SYCP2: variants seen among roughly 807,000 people sequenced by gnomAD.
SYCP2 encodes the protein synaptonemal complex protein 2.
A neutral mutation model predicts 211.3 loss-of-function variants in SYCP2; 55 were observed. The ratio of observed to expected loss-of-function variants is 0.26; its 90% confidence interval spans 0.21 to 0.33. SYCP2 has a LOEUF of 0.33. Among genes scored for constraint, SYCP2 ranks in the 10% least tolerant of loss-of-function variants. SYCP2 has a pLI of 1.00. For missense variants in SYCP2, 1,731 were observed against 1,752.0 expected, an observed-to-expected ratio of 0.99 and a Z score of 0.21; for synonymous variants, 570 against 555.2, an observed-to-expected ratio of 1.03 and a Z score of -0.37.
intron 17 of SYCP2, 111 bp from the exon 18 acceptor site, chr20:59,900,395 C>T: frequency 1.0e-6 from 1 of 973,206 alleles, no homozygotes; most frequent in Non-Finnish European, 1.5e-6. Flanking sequence ...AATTATTTCC[C>T]TTTTCTATCC....
intron 35 of SYCP2, among the ~76,000 whole-genome samples, 190 bp downstream of exon 35, chr20:59,873,666 T>G (rs910285995): frequency 2.0e-5 from 3 of 152,112 alleles, no homozygotes; most frequent in Non-Finnish European, 4.4e-5. Flanking sequence ...TATACATTTA[T>G]TTGTCTGTTA....
chr20:59,892,550 G>A lies in SYCP2; in HGVS notation c.1927+18C>T, dbSNP rs779686311. ...AATTAACACTGAACTATTACATATAGATAAAACTAAGTTTCACCTTGATTC... is the reference window on the plus strand; with the variant it reads ...AATTAACACTGAACTATTACATATAAATAAAACTAAGTTTCACCTTGATTC... On this transcript the variant is annotated intron_variant, in intron 23 of 44. Transcript: ENST00000357552. 16 of 1,595,450 alleles carry A rather than the reference G, an allele frequency of 1.0e-5. No individual in the cohort carries two copies. In the South Asian group the frequency reaches 1.8e-4, roughly 18 times the overall value.
intron 26 of SYCP2, among the ~76,000 whole-genome samples, chr20:59,883,984 A>G (rs540930813): frequency 2.0e-5 from 3 of 152,230 alleles, no homozygotes; most frequent in East Asian, 3.9e-4. Flanking sequence ...CATGTTATAC[A>G]CCTTAAATAC....
chr20:59,907,372 C>T lies in SYCP2; in HGVS notation c.1025G>A (p.Ser342Asn), dbSNP rs984201345. The part of the protein sequence containing the change: ...TVPEEKVQIY[S>N]IEVRESKKLL... ...AAAAACAAGTTTAATACCTTCAATG[C>T]TGTATATTTGTACTTTTTCCTCTGG... is the stretch of plus-strand genomic sequence containing the variant. The change falls in exon 15 of 45, where the codon AGC becomes AAC. Residue 342 changes from serine to asparagine, a missense_variant. Physicochemically the swap from Ser to Asn is conservative, Grantham distance 46 (BLOSUM62 1). This residue lies in a region of SYCP2 where 9 missense variants were observed against 21.9 expected (regional missense o/e 0.41). Transcript: ENST00000357552. The T allele has an allele frequency of 6.2e-7, 1 of 1,601,572 alleles. No individual in the cohort carries two copies. The highest frequency in any genetic ancestry group is 8.5e-7 in the Non-Finnish European group (1 of 1,170,070).
chr20:59,921,211 G>A, intron 4 of SYCP2, 99 bp downstream of exon 4: 3 of 956,488 alleles, frequency 3.1e-6, no homozygotes, highest in Non-Finnish European at 4.6e-6. Flanking sequence ...GACTGAGCTT[G>A]CCCAAGCCTA....
intron 15 of SYCP2, among the ~76,000 whole-genome samples, chr20:59,906,059 C>T (rs774725974): frequency 3.0e-4 from 46 of 152,188 alleles, no homozygotes; most frequent in African/African-American, 6.3e-4. Context: ...AACTATGAAA[C>T]GCTGTTGAGA....
intron 34 of SYCP2, 40 bp downstream of exon 34, chr20:59,875,231 A>C: frequency 7.8e-7 from 1 of 1,277,710 alleles, no homozygotes; most frequent in Non-Finnish European, 1.1e-6. Context: ...ATAGAAAACT[A>C]TTGAATATTC....
At position 59,919,598 on chromosome 20, in the gene SYCP2, G is replaced by GT. The variant is rs1568980977; in HGVS notation, c.298-2dup. The GT allele has an allele frequency of 6.3e-7, 1 of 1,577,924 alleles. No individual in the cohort carries two copies. ...TGGATTTTTCAAACCAGGCAACCATGTAAAAAAAGGAATGAACTTATTAGA... is the reference window on the plus strand; with the variant it reads ...TGGATTTTTCAAACCAGGCAACCATGTTAAAAAAAGGAATGAACTTATTAGA... On this transcript the variant is annotated splice_acceptor_variant, in intron 5 of 44. Transcript: ENST00000357552. LOFTEE classifies it high-confidence loss of function.
In SYCP2 at chr20:59,882,945, A is replaced by G. The variant is rs552632470; in HGVS notation, c.2530-780T>C. Among the ~76,000 whole-genome samples, 16 of 152,330 alleles carry G rather than the reference A, an allele frequency of 1.1e-4. No individual in the cohort carries two copies. The South Asian group carries it at 3.1e-3, about 30-fold the overall frequency. ...GCAAACAAATAATGTGCATTTTTAA[A>G]TATTTTTCTAGATGTGCTTCCACTA... is the stretch of plus-strand genomic sequence containing the variant. On this transcript the variant is annotated intron_variant, in intron 26 of 44. Transcript: ENST00000357552.
intron 18 of SYCP2, among the ~76,000 whole-genome samples, chr20:59,899,266 C>G (rs1183571014): frequency 1.3e-5 from 2 of 151,942 alleles, no homozygotes; most frequent in Non-Finnish European, 1.5e-5. Context: ...TGAAATAAAG[C>G]ATATTGCCAA....
At chr20:59,906,481 A>G (rs1019589205) in intron 15 of SYCP2, among the ~76,000 whole-genome samples, 4 of 152,144 alleles carry the variant, frequency 2.6e-5, no homozygotes, top group African/African-American at 9.6e-5. Context: ...TAATCCCGTA[A>G]TAACTGCATA....
chr20:59,932,282 A>C (rs1409137141), intron 1 of SYCP2, 128 bp from the exon 2 acceptor site: 1 of 152,232 alleles, frequency 6.6e-6, no homozygotes, highest in Non-Finnish European at 1.5e-5. Flanking sequence ...TAGATAATTC[A>C]AAGTCCCCTC....
chr20:59,893,213 ATAT>A lies in SYCP2; in HGVS notation c.1736-17_1736-15del. 1.3e-6 allele frequency: 2 copies of A among 1,563,298 alleles called. No homozygotes were observed. The highest frequency in any genetic ancestry group is 1.7e-6 in the Non-Finnish European group (2 of 1,147,876). On this transcript the variant is annotated splice_polypyrimidine_tract_variant and intron_variant, in intron 21 of 44. Transcript: ENST00000357552. Reference sequence around the variant, plus strand: ...CCTGGAGTTCACCTAAATAAAACAAATATTATAATATTTTCATTTTTTTCATGC... The same window carrying A: ...CCTGGAGTTCACCTAAATAAAACAAATATAATATTTTCATTTTTTTCATGC...
At chr20:59,872,249 T>C (rs1043465286) in intron 35 of SYCP2, among the ~76,000 whole-genome samples, 3 of 152,028 alleles carry the variant, frequency 2.0e-5, no homozygotes, top group Non-Finnish European at 1.5e-5. Flanking sequence ...AAGTTTCAAA[T>C]TGTGCACAAT....
chr20:59,919,339 A>G (rs1299231024), intron 6 of SYCP2, 154 bp downstream of exon 6: 1 of 678,332 alleles, frequency 1.5e-6, no homozygotes, highest in South Asian at 1.9e-5. Context: ...TATATTTACC[A>G]GAATAAATGC....
chr20:59,912,900 C>T (rs1451737857), intron 12 of SYCP2, among the ~76,000 whole-genome samples: 11 of 152,216 alleles, frequency 7.2e-5, no homozygotes, highest in Non-Finnish European at 1.0e-4. Flanking sequence ...CTGCTATCCA[C>T]GTAAGATGGG....
chr20:59,898,921 C>T (rs2060063358), intron 18 of SYCP2, among the ~76,000 whole-genome samples: 1 of 152,074 alleles, frequency 6.6e-6, no homozygotes, highest in African/African-American at 2.4e-5. Context: ...AGAATACATA[C>T]TACAGTTTTA....
intron 32 of SYCP2, 52 bp from the exon 33 acceptor site, chr20:59,877,607 T>TA: frequency 2.7e-6 from 4 of 1,474,340 alleles, no homozygotes; most frequent in Non-Finnish European, 3.7e-6. Context: ...GTACAAGAAA[T>TA]ACAAGCAATT....
chr20:59,866,427 A>T, intron 40 of SYCP2, 35 bp from the exon 41 acceptor site: 1 of 1,559,410 alleles, frequency 6.4e-7, no homozygotes, highest in Non-Finnish European at 8.7e-7. Context: ...AATTTTAAAA[A>T]CTGTAGCATT....
Sources: allele counts gnomAD v4.1 joint callset (sites outside exome capture counted in the v4.1 genomes callset), GRCh38; gene constraint gnomAD v4.1.1; regional missense constraint gnomAD v4.1.1; transcripts MANE v1.5; gene names NCBI Gene and HGNC (gene_info 2026-07-23, HGNC 2026-07-21).